The following PRKN variants were observed in gnomAD, a reference collection of about 807,000 sequenced individuals.
PRKN encodes E3 ubiquitin-protein ligase parkin.
In PRKN, 56 loss-of-function variants were observed where a neutral mutation model predicts 59.5. The observed-to-expected ratio is 0.94, with a 90% CI of 0.76 to 1.18. PRKN has a LOEUF of 1.18. Ranked by LOEUF, PRKN falls within the 50% of genes most tolerant of loss-of-function variation. PRKN has a pLI of 0.00. For missense variants in PRKN, 657 were observed against 596.4 expected (o/e 1.10, Z -1.06); for synonymous variants, 250 against 222.1 (o/e 1.13, Z -1.12).
intron 3 of PRKN, among the ~76,000 whole-genome samples, chr6:162,252,177 G>C (rs1779462258): frequency 6.6e-6 from 1 of 152,164 alleles, no homozygotes; most frequent in Non-Finnish European, 1.5e-5. Context: ...GTCACACATT[G>C]AATTTTAATG....
intron 1 of PRKN, among the ~76,000 whole-genome samples, chr6:162,649,507 T>C (rs558807967): frequency 6.6e-6 from 1 of 152,298 alleles, no homozygotes; most frequent in South Asian, 2.1e-4. Context: ...TGCATCTGGC[T>C]AACTGTAGAA....
intron 7 of PRKN, among the ~76,000 whole-genome samples, chr6:161,680,781 T>TTTTTTTTG (rs1785328427): frequency 1.1e-5 from 1 of 93,804 alleles, no homozygotes; most frequent in Admixed American, 1.6e-4. Context: ...ATATATTTTT[T>TTTTTTTTG]TTTTTTTTTC....
At chr6:161,574,459 C>G (rs1781056605) in intron 7 of PRKN, among the ~76,000 whole-genome samples, 1 of 152,132 alleles carries the variant, frequency 6.6e-6, no homozygotes, top group South Asian at 2.1e-4. Context: ...TTTGGTAAAT[C>G]TGCGTTGACT....
At chr6:162,367,527 AC>A (rs1235465908) in intron 2 of PRKN, among the ~76,000 whole-genome samples, 1 of 152,046 alleles carries the variant, frequency 6.6e-6, no homozygotes, top group African/African-American at 2.4e-5. Flanking sequence ...ACCAATGAAA[AC>A]CCATGCTCAT....
chr6:161,708,709 G>A (rs1351741036), intron 7 of PRKN, among the ~76,000 whole-genome samples: 1 of 152,150 alleles, frequency 6.6e-6, no homozygotes, highest in East Asian at 1.9e-4. Context: ...GCAACTTTGT[G>A]AGGAAAATAT....
Position 162,558,902 on chromosome 6 carries a change from G to A in PRKN, c.8-115429C>T, listed in dbSNP as rs1159526441. ...AGTGATCTGCCCACCTCAGCCTCCC[G>A]AAGTGCTAGGATTACAGCATGAGCC... On this transcript the variant is annotated intron_variant, in intron 1 of 11. Coordinates refer to ENST00000366898, the MANE Select transcript of PRKN (RefSeq NM_004562.3). 7.2e-5 allele frequency among the ~76,000 whole-genome samples: 11 copies of A among 151,754 alleles called. No homozygotes were observed. In the East Asian group the frequency reaches 1.6e-3, roughly 21 times the overall value.
intron 3 of PRKN, among the ~76,000 whole-genome samples, chr6:162,212,812 T>C (rs895935107): frequency 6.6e-6 from 1 of 152,158 alleles, no homozygotes; most frequent in Admixed American, 6.5e-5. Context: ...GTAGAGCATG[T>C]TACTGTACTG....
chr6:161,923,633 A>G (rs1036529379), intron 6 of PRKN, among the ~76,000 whole-genome samples: 3 of 152,146 alleles, frequency 2.0e-5, no homozygotes, highest in Non-Finnish European at 4.4e-5. Context: ...TGAATATAAC[A>G]TAGTTATTAC....
chr6:162,456,793 T>C (rs958840863), intron 1 of PRKN, among the ~76,000 whole-genome samples: 4 of 152,230 alleles, frequency 2.6e-5, no homozygotes, highest in African/African-American at 7.2e-5. Context: ...TATTGATTCA[T>C]TAACATTGCA....
intron 1 of PRKN, among the ~76,000 whole-genome samples, chr6:162,691,213 T>C (rs571860056): frequency 1.6e-4 from 24 of 152,264 alleles, no homozygotes; most frequent in African/African-American, 5.3e-4. Flanking sequence ...TAGTTGGAAA[T>C]GTAAAGCAAA....
At chr6:161,918,331 C>T (rs1028785909) in intron 6 of PRKN, among the ~76,000 whole-genome samples, 1 of 152,134 alleles carries the variant, frequency 6.6e-6, no homozygotes, top group South Asian at 2.1e-4. Flanking sequence ...ATCTGACTTA[C>T]TTATGCTTTG....
chr6:161,565,829 AAAC>A (rs1277416121), intron 8 of PRKN, among the ~76,000 whole-genome samples: 1 of 152,120 alleles, frequency 6.6e-6, no homozygotes, highest in Non-Finnish European at 1.5e-5. Context: ...AAGAAAAGAG[AAAC>A]AACCAGCAGA....
intron 2 of PRKN, among the ~76,000 whole-genome samples, chr6:162,405,427 T>C (rs1035582881): frequency 3.9e-5 from 6 of 152,144 alleles, no homozygotes; most frequent in African/African-American, 9.7e-5. Flanking sequence ...GGGTCTCTTA[T>C]GGACAAGACT....
intron 6 of PRKN, among the ~76,000 whole-genome samples, chr6:161,965,130 A>G (rs1193142746): frequency 6.6e-6 from 1 of 152,116 alleles, no homozygotes; most frequent in Admixed American, 6.5e-5. Context: ...GAGAAAGTAC[A>G]AATGGACTTT....
At chr6:162,611,822 A>G (rs1447387058) in intron 1 of PRKN, among the ~76,000 whole-genome samples, 1 of 152,206 alleles carries the variant, frequency 6.6e-6, no homozygotes, top group Non-Finnish European at 1.5e-5. Flanking sequence ...ATAAATCTAA[A>G]TGTGCAGAAA....
In PRKN at chr6:162,569,505, G is replaced by A. The variant is rs187982114; in HGVS notation, c.8-126032C>T. 6.8e-4 allele frequency: 475 copies of A among 697,514 alleles called. 1 individual carries two copies. The highest frequency in any genetic ancestry group is 5.0e-3 in the Middle Eastern group (12 of 2,420). 43.2% of individuals were successfully genotyped at this position (697,514 alleles called of 1,614,324 possible). ...CTGGAGTCTGGGATGCAGAACATGAGTATCCATACAAAGACCACCAGCGCC... is the reference window on the plus strand; with the variant it reads ...CTGGAGTCTGGGATGCAGAACATGAATATCCATACAAAGACCACCAGCGCC... On this transcript the variant is annotated intron_variant, in intron 1 of 11. Coordinates refer to ENST00000366898, the MANE Select transcript of PRKN (RefSeq NM_004562.3).
chr6:161,510,066 G>C (rs1034953474), intron 9 of PRKN, among the ~76,000 whole-genome samples: 1 of 152,080 alleles, frequency 6.6e-6, no homozygotes, highest in Non-Finnish European at 1.5e-5. Flanking sequence ...CCGTCCTTAT[G>C]ATTTCTATAA....
intron 1 of PRKN, among the ~76,000 whole-genome samples, chr6:162,540,807 CA>C (rs59944356): frequency 0.26 from 32,307 of 126,302 alleles, 4,172 homozygotes; most frequent in African/African-American, 0.45. Context: ...AACTCTGGCT[CA>C]AAAAAAAAAA....
At chr6:161,882,858 A>C (rs1794989890) in intron 6 of PRKN, among the ~76,000 whole-genome samples, 1 of 151,702 alleles carries the variant, frequency 6.6e-6, no homozygotes, top group South Asian at 2.1e-4. Flanking sequence ...TACAAAAATT[A>C]GCTGGGTGTG....
Sources: allele counts gnomAD v4.1 joint callset (sites outside exome capture counted in the v4.1 genomes callset), GRCh38; gene constraint gnomAD v4.1.1; transcripts MANE v1.5; gene names NCBI Gene and HGNC (gene_info 2026-07-23, HGNC 2026-07-21).